The following TSHR variants were observed in gnomAD, a reference collection of about 807,000 sequenced individuals.
TSHR encodes thyrotropin receptor.
In TSHR, 51 loss-of-function variants were observed where a neutral mutation model predicts 64.1. That is an observed-to-expected ratio of 0.80 (90% CI 0.64 to 1.01). TSHR has a LOEUF of 1.01. Among genes scored for constraint, TSHR ranks in the 50% least tolerant of loss-of-function variants. The probability of loss-of-function intolerance (pLI) is 0.00; values close to 1 mark genes in which losing one functional copy is unlikely to be tolerated. For synonymous variants in TSHR, 361 were observed against 361.9 expected (o/e 1.00, Z 0.03); for missense variants, 877 against 942.8 (o/e 0.93, Z 0.91).
At position 81,103,144 on chromosome 14, in the gene TSHR, C is replaced by T. The variant is rs879733550; in HGVS notation, c.615-5231C>T. On this transcript the variant is annotated intron_variant, in intron 7 of 9. Coordinates refer to ENST00000298171, the MANE Select transcript of TSHR (RefSeq NM_000369.5). This position sits in a 1 kb window ranked among gnomAD's most constrained non-coding sequence, Gnocchi z 4.1. ...GGACTGGAGGAAGACAAGGATTGAG[C>T]TATAGGTGAAGGAAAGAAAGGTCAA... is the stretch of plus-strand genomic sequence containing the variant. 39 of 985,192 alleles carry T rather than the reference C, an allele frequency of 4.0e-5. No homozygotes were observed. The highest frequency in any genetic ancestry group is 4.7e-5 in the Non-Finnish European group (39 of 829,912). 61.0% of individuals were successfully genotyped at this position (985,192 alleles called of 1,614,324 possible).
chr14:81,144,205 G>T lies in TSHR; in HGVS notation c.2147G>T (p.Ser716Ile), dbSNP rs772114546. 1 of 1,613,678 alleles carries T rather than the reference G, an allele frequency of 6.2e-7. No individual in the cohort carries two copies. Among genetic ancestry groups the T allele is most frequent in the Admixed American group, 1.7e-5 (1 of 59,982 alleles). Residue 716 changes from serine (S) to isoleucine (I), a missense_variant, in exon 10 of 10, where the codon AGC (serine) becomes ATC (isoleucine). Physicochemically the swap from Ser to Ile is moderately radical, Grantham distance 142. Coordinates refer to ENST00000298171, the MANE Select transcript of TSHR (RefSeq NM_000369.5). Reference protein sequence around the residue: ...YRGQRVPPKNSTDIQVQKVTH... With the variant: ...YRGQRVPPKNITDIQVQKVTH... ...GGGCAGAGGGTTCCTCCAAAGAACA[G>T]CACTGATATTCAGGTTCAAAAGGTT...
chr14:81,076,163 G>A (rs763973126), intron 3 of TSHR, among the ~76,000 whole-genome samples: 6 of 152,280 alleles, frequency 3.9e-5, no homozygotes, highest in Middle Eastern at 3.4e-3. Flanking sequence ...AAGGCTATAT[G>A]CAAGATTCAA....
At chr14:81,000,826 TA>T (rs1889271029) in intron 1 of TSHR, among the ~76,000 whole-genome samples, 1 of 152,222 alleles carries the variant, frequency 6.6e-6, no homozygotes, top group East Asian at 1.9e-4. Flanking sequence ...GGAATATTGC[TA>T]GTTGCAAAAG....
intron 1 of TSHR, among the ~76,000 whole-genome samples, chr14:80,986,206 C>T (rs546697955): frequency 3.0e-4 from 46 of 152,236 alleles, no homozygotes; most frequent in African/African-American, 1.1e-3. Flanking sequence ...ATGTAGACTT[C>T]CAGGAAGTCT....
chr14:80,963,313 G>T (rs1216707383), intron 1 of TSHR, among the ~76,000 whole-genome samples: 3 of 152,090 alleles, frequency 2.0e-5, no homozygotes, highest in Non-Finnish European at 2.9e-5. Flanking sequence ...ATGAACTCCA[G>T]GTTCTTTATG....
At chr14:81,091,455 A>G (rs1888729880) in intron 5 of TSHR, among the ~76,000 whole-genome samples, 1 of 152,214 alleles carries the variant, frequency 6.6e-6, no homozygotes, top group African/African-American at 2.4e-5. Flanking sequence ...AGGTTTTACT[A>G]TTAAAAGGAG....
At chr14:81,004,654 C>T (rs1256295345) in intron 1 of TSHR, among the ~76,000 whole-genome samples, 1 of 152,156 alleles carries the variant, frequency 6.6e-6, no homozygotes. Flanking sequence ...GTTTATGTCC[C>T]TCTCCAGTTA....
At chr14:81,008,297 C>T (rs1889711500) in intron 1 of TSHR, among the ~76,000 whole-genome samples, 1 of 152,022 alleles carries the variant, frequency 6.6e-6, no homozygotes, top group Non-Finnish European at 1.5e-5. Context: ...CTCAGCCTCC[C>T]AATTAGCTGG....
chr14:81,122,541 T>C (rs1363785363), intron 8 of TSHR, among the ~76,000 whole-genome samples: 1 of 151,946 alleles, frequency 6.6e-6, no homozygotes, highest in Non-Finnish European at 1.5e-5. Context: ...TTTAACCAAA[T>C]ATGTCACAAA....
intron 1 of TSHR, among the ~76,000 whole-genome samples, chr14:80,971,468 G>C (rs1443494255): frequency 6.6e-6 from 1 of 152,182 alleles, no homozygotes; most frequent in Non-Finnish European, 1.5e-5. Flanking sequence ...TCACCAGATT[G>C]ATAATCACAT....
chr14:80,987,352 C>A (rs1888511478), intron 1 of TSHR, among the ~76,000 whole-genome samples: 1 of 152,206 alleles, frequency 6.6e-6, no homozygotes, highest in African/African-American at 2.4e-5. Context: ...ACTTATGACT[C>A]ATGGCTGATT....
chr14:81,059,050 A>C (rs1441625519), intron 1 of TSHR, among the ~76,000 whole-genome samples: 1 of 152,160 alleles, frequency 6.6e-6, no homozygotes, highest in Non-Finnish European at 1.5e-5. Context: ...GGTTATGTGC[A>C]TGCCGGAGCA....
At chr14:81,076,998 T>G (rs1018843578) in intron 3 of TSHR, among the ~76,000 whole-genome samples, 3 of 152,202 alleles carry the variant, frequency 2.0e-5, no homozygotes, top group Non-Finnish European at 4.4e-5. Context: ...GGTATTCACA[T>G]GCTTTTGCCT....
intron 1 of TSHR, among the ~76,000 whole-genome samples, chr14:81,035,769 C>A (rs1222967085): frequency 4.6e-5 from 7 of 151,968 alleles, no homozygotes; most frequent in African/African-American, 9.7e-5. Flanking sequence ...CACTTTACCC[C>A]TTACATTGCA....
intron 7 of TSHR, among the ~76,000 whole-genome samples, chr14:81,106,224 C>T (rs1889883820): frequency 2.0e-5 from 3 of 152,176 alleles, no homozygotes. Context: ...TTGGGCTATA[C>T]CCTTGAGGTG....
chr14:80,972,358 C>T (rs1232575573), intron 1 of TSHR, among the ~76,000 whole-genome samples: 1 of 152,136 alleles, frequency 6.6e-6, no homozygotes, highest in African/African-American at 2.4e-5. Flanking sequence ...TATGTCTTCA[C>T]ATATAATATC....
chr14:81,042,295 T>C (rs1566776814), intron 1 of TSHR, among the ~76,000 whole-genome samples: 1 of 152,306 alleles, frequency 6.6e-6, no homozygotes, highest in East Asian at 1.9e-4. Flanking sequence ...TGTGTATATG[T>C]TCAAAGGAAA....
Position 81,119,512 on chromosome 14 carries a change from TA to T in TSHR, c.692+11065del, listed in dbSNP as rs1890693149. Among the ~76,000 whole-genome samples the T allele has an allele frequency of 2.2e-5, 3 of 133,566 alleles. No homozygotes were observed. In the South Asian group the frequency reaches 7.8e-4, roughly 35 times the overall value. 87.6% of individuals were successfully genotyped at this position (133,566 alleles called of 152,430 possible). A position where few individuals can be genotyped will look rare whatever the true frequency, so the allele number is the denominator to read the frequency against. On this transcript the variant is annotated intron_variant, in intron 8 of 9. Transcript: ENST00000298171. ...TCACACCAGTTAGAATGGCAATCATTAAAAAGTCAGGAAACAACAGGTGCTG... is the reference window on the plus strand; with the variant it reads ...TCACACCAGTTAGAATGGCAATCATTAAAAGTCAGGAAACAACAGGTGCTG...
chr14:80,976,448 A>T (rs1887879271), intron 1 of TSHR, among the ~76,000 whole-genome samples: 1 of 152,138 alleles, frequency 6.6e-6, no homozygotes, highest in Non-Finnish European at 1.5e-5. Flanking sequence ...ATTCCCCCTC[A>T]GCTTTCACCT....
Sources: allele counts gnomAD v4.1 joint callset (sites outside exome capture counted in the v4.1 genomes callset), GRCh38; gene constraint gnomAD v4.1.1; non-coding constraint Gnocchi (gnomAD v3.1); transcripts MANE v1.5; gene names NCBI Gene and HGNC (gene_info 2026-07-23, HGNC 2026-07-21).